The following CERKL variants were observed in gnomAD, a reference collection of about 807,000 sequenced individuals.
The protein encoded by CERKL is ceramide kinase-like protein.
In CERKL, 61 loss-of-function variants were observed where a neutral mutation model predicts 63.4. That is an observed-to-expected ratio of 0.96 (90% confidence interval 0.78 to 1.19). CERKL has a LOEUF of 1.19. CERKL is among the 50% of genes most tolerant of loss of function. CERKL has a pLI of 0.00. For missense variants in CERKL, 675 were observed against 655.5 expected (o/e 1.03, Z -0.33); for synonymous variants, 250 against 230.5 (o/e 1.08, Z -0.77).
intron 3 of CERKL, among the ~76,000 whole-genome samples, chr2:181,570,502 G>A (rs962760357): frequency 4.6e-5 from 7 of 152,098 alleles, no homozygotes; most frequent in Admixed American, 3.9e-4. Flanking sequence ...TGGGCTTATC[G>A]TTCATACTCT....
chr2:181,642,434 T>C (rs1290325187), intron 1 of CERKL, among the ~76,000 whole-genome samples: 2 of 152,242 alleles, frequency 1.3e-5, no homozygotes, highest in Non-Finnish European at 2.9e-5. Flanking sequence ...TTGTTTTTTC[T>C]CATTTTCATA....
intron 1 of CERKL, among the ~76,000 whole-genome samples, chr2:181,612,961 A>T (rs1686031218): frequency 6.6e-6 from 1 of 152,212 alleles, no homozygotes; most frequent in Non-Finnish European, 1.5e-5. Flanking sequence ...GATTAAAATC[A>T]AGCTAAGTAA....
At chr2:181,585,632 A>G (rs369115339) in intron 2 of CERKL, among the ~76,000 whole-genome samples, 22 of 152,332 alleles carry the variant, frequency 1.4e-4, no homozygotes, top group African/African-American at 5.3e-4. Flanking sequence ...CAAAAAAGCA[A>G]TTCAGTCTCT....
At chr2:181,636,493 C>G (rs868268308) in intron 1 of CERKL, among the ~76,000 whole-genome samples, 1 of 151,968 alleles carries the variant, frequency 6.6e-6, no homozygotes, top group Non-Finnish European at 1.5e-5. Context: ...AATACTTGAT[C>G]TCACCTAATG....
rs1687178121 is a variant in CERKL, at chr2:181,537,252, T to TGGTTCTTTCCTACTCAGA, written c.*914_*931dup. The TGGTTCTTTCCTACTCAGA allele has an allele frequency of 2.2e-6, 1 of 453,768 alleles. No homozygotes were observed. The highest frequency in any genetic ancestry group is 4.4e-6 in the Non-Finnish European group (1 of 226,738). 28.1% of individuals were successfully genotyped at this position (453,768 alleles called of 1,614,324 possible). A position where few individuals can be genotyped will look rare whatever the true frequency, so the allele number is the denominator to read the frequency against. ...GATGGTCTCTAAGGAAATTTACATT[T>TGGTTCTTTCCTACTCAGA]GGTTCTTTCCTACTCAGAACTACTC... On this transcript the variant is annotated 3_prime_UTR_variant, in exon 13 of 13. Coordinates refer to ENST00000410087, the MANE Select transcript of CERKL (RefSeq NM_201548.5).
Position 181,558,617 on chromosome 2 carries a change from G to T in CERKL, c.769C>A (p.Arg257=). 4 of 1,613,656 alleles carry T rather than the reference G, an allele frequency of 2.5e-6. No individual in the cohort carries two copies. Among genetic ancestry groups the T allele is most frequent in the Non-Finnish European group, 3.4e-6 (4 of 1,179,812 alleles). ...AQKNAGMETD[R]ILTPVRAQLP... ...TGTGCTCTGACAGGAGTCAGGATTC[G>T]GTCTGTTTCCATCCCAGCATTCTTC... is the stretch of plus-strand genomic sequence containing the variant. Residue 257 remains arginine (R), a synonymous_variant, in exon 5 of 13, where the codon CGA becomes AGA. Transcript: ENST00000410087. The surrounding 1 kb of genome is among the most constrained non-coding windows in gnomAD (Gnocchi z 4.2).
chr2:181,562,668 AC>A (rs1688497004), intron 4 of CERKL, among the ~76,000 whole-genome samples: 1 of 152,160 alleles, frequency 6.6e-6, no homozygotes, highest in South Asian at 2.1e-4. Context: ...ATGGCTCCAA[AC>A]AGAATTATTC....
At chr2:181,629,643 A>C (rs1284282323) in intron 1 of CERKL, among the ~76,000 whole-genome samples, 1 of 152,166 alleles carries the variant, frequency 6.6e-6, no homozygotes, top group Non-Finnish European at 1.5e-5. Flanking sequence ...CAAAAAAAAA[A>C]AAACTCAGTT....
At chr2:181,603,449 A>G (rs1021009509) in intron 2 of CERKL, among the ~76,000 whole-genome samples, 1 of 152,226 alleles carries the variant, frequency 6.6e-6, no homozygotes, top group Admixed American at 6.5e-5. Context: ...TCAGACAAAC[A>G]GTACAGAAAA....
intron 1 of CERKL, chr2:181,649,454 CTT>C (rs1396568398): frequency 6.6e-6 from 1 of 152,158 alleles, no homozygotes; most frequent in African/African-American, 2.4e-5. Flanking sequence ...TAGTAAGAGA[CTT>C]TAACAGCCCA....
chr2:181,550,274 TAATTC>T lies in CERKL; in HGVS notation c.821-571_821-567del, dbSNP rs1423691671. Among the ~76,000 whole-genome samples the T allele has an allele frequency of 2.0e-5, 3 of 152,220 alleles. No individual in the cohort carries two copies. Among genetic ancestry groups the T allele is most frequent in the Non-Finnish European group, 4.4e-5 (3 of 68,032 alleles). Reference sequence around the variant, plus strand: ...TGTCTCCTACATTGAAGAAAATGTTTAATTCAATTGTATTTCCCATGTATGAAGAT... The same window carrying T: ...TGTCTCCTACATTGAAGAAAATGTTTAATTGTATTTCCCATGTATGAAGAT... On this transcript the variant is annotated intron_variant, in intron 5 of 12. Transcript: ENST00000410087. The surrounding 1 kb of genome is among the most constrained non-coding windows in gnomAD (Gnocchi z 4.5).
chr2:181,558,416 CAA>C lies in CERKL; in HGVS notation c.820+148_820+149del, dbSNP rs1438013306. ...GGCTCAAAGAGATTAAATGACTTGTCAAAAGTCTCACATTTGCTAGTGGGGAT... is the reference window on the plus strand; with the variant it reads ...GGCTCAAAGAGATTAAATGACTTGTCAAGTCTCACATTTGCTAGTGGGGAT... On this transcript the variant is annotated intron_variant, in intron 5 of 12. Transcript: ENST00000410087. This position sits in a 1 kb window ranked among gnomAD's most constrained non-coding sequence, Gnocchi z 4.2. 1.6e-5 allele frequency: 13 copies of C among 802,626 alleles called. No individual in the cohort carries two copies. The highest frequency in any genetic ancestry group is 2.7e-5 in the Non-Finnish European group (13 of 472,848). 49.7% of individuals were successfully genotyped at this position (802,626 alleles called of 1,614,324 possible).
At chr2:181,538,953 TC>T (rs1687349291) in intron 12 of CERKL, 138 bp downstream of exon 12, 2 of 687,760 alleles carry the variant, frequency 2.9e-6, no homozygotes, top group Non-Finnish European at 5.1e-6. Flanking sequence ...TGTGCATGTC[TC>T]TTTATGCTTC....
intron 1 of CERKL, among the ~76,000 whole-genome samples, chr2:181,636,158 T>C (rs979076936): frequency 1.3e-5 from 2 of 152,200 alleles, no homozygotes; most frequent in Non-Finnish European, 1.5e-5. Flanking sequence ...CTAGCACATT[T>C]GATGCTAAGA....
intron 1 of CERKL, among the ~76,000 whole-genome samples, chr2:181,653,352 G>T (rs544861532): frequency 6.6e-5 from 10 of 152,322 alleles, no homozygotes; most frequent in African/African-American, 2.4e-4. Context: ...CAGCATGGAA[G>T]TTCCTAAAAC....
chr2:181,635,547 T>A (rs1574052742), intron 1 of CERKL, among the ~76,000 whole-genome samples: 1 of 152,224 alleles, frequency 6.6e-6, no homozygotes, highest in East Asian at 1.9e-4. Flanking sequence ...CATACTGTCA[T>A]CCCTTTACAC....
chr2:181,630,930 A>G (rs533657778), intron 1 of CERKL, among the ~76,000 whole-genome samples: 258 of 152,324 alleles, frequency 1.7e-3, no homozygotes, highest in African/African-American at 5.7e-3. Flanking sequence ...CTGTGTTCCA[A>G]TATTTCCAAA....
At position 181,558,447 on chromosome 2, in the gene CERKL, A is replaced by G; in HGVS notation, c.820+119T>C. 9.0e-7 allele frequency: 1 copy of G among 1,116,136 alleles called. No homozygotes were observed. The highest frequency in any genetic ancestry group is 1.3e-6 in the Non-Finnish European group (1 of 742,616). 69.1% of individuals were successfully genotyped at this position (1,116,136 alleles called of 1,614,324 possible). ...TCTCACATTTGCTAGTGGGGATGCCAGAAGTCTGGATCTTTCAAAGTCTGT... is the reference window on the plus strand; with the variant it reads ...TCTCACATTTGCTAGTGGGGATGCCGGAAGTCTGGATCTTTCAAAGTCTGT... On this transcript the variant is annotated intron_variant, in intron 5 of 12. Transcript: ENST00000410087. This position sits in a 1 kb window ranked among gnomAD's most constrained non-coding sequence, Gnocchi z 4.2.
intron 1 of CERKL, among the ~76,000 whole-genome samples, chr2:181,612,499 T>C (rs1446003626): frequency 1.3e-5 from 2 of 152,170 alleles, no homozygotes; most frequent in African/African-American, 2.4e-5. Context: ...AATGTAACCA[T>C]AAAGTATGTG....
Sources: gnomAD v4.1 joint callset for allele counts (sites outside exome capture counted in the v4.1 genomes callset) on GRCh38, gnomAD v4.1.1 for gene constraint, Gnocchi (gnomAD v3.1) non-coding constraint, MANE v1.5 for transcripts, NCBI Gene and HGNC (gene_info 2026-07-23, HGNC 2026-07-21) for gene names.